Variants in TTC39B observed in about 807,000 individuals in gnomAD.
TTC39B encodes the protein tetratricopeptide repeat protein 39B.
TTC39B carries 92 observed loss-of-function variants against 96.6 expected under a neutral mutation model. The ratio of observed to expected loss-of-function variants is 0.95; its 90% CI spans 0.80 to 1.13. The LOEUF (loss-of-function observed/expected upper bound fraction) is 1.13, where lower values mean the gene tolerates loss of function less well. Among genes scored for constraint, TTC39B ranks in the 50% most tolerant of loss-of-function variants. TTC39B has a pLI of 0.00. For missense variants in TTC39B, 955 were observed against 809.3 expected (o/e 1.18, Z -2.18); for synonymous variants, 367 against 299.4 (o/e 1.23, Z -2.33).
intron 2 of TTC39B, among the ~76,000 whole-genome samples, chr9:15,234,901 G>T (rs10961928): frequency 6.6e-6 from 1 of 151,660 alleles, no homozygotes; most frequent in African/African-American, 2.4e-5. Context: ...GCGGAAGGCC[G>T]CAGGGTCCTC....
At chr9:15,203,619 T>G (rs982759062) in intron 7 of TTC39B, among the ~76,000 whole-genome samples, 3 of 152,158 alleles carry the variant, frequency 2.0e-5, no homozygotes, top group African/African-American at 7.2e-5. Context: ...GAGTGCAATT[T>G]GAAATAGATT....
rs186734499 is a variant in TTC39B, at chr9:15,199,691, C to T, written c.824+170G>A. Among the ~76,000 whole-genome samples, 198 of 130,186 alleles carry T rather than the reference C, an allele frequency of 1.5e-3. 1 individual carries two copies. Among genetic ancestry groups the T allele is most frequent in the African/African-American group, 5.3e-3 (180 of 33,844 alleles). 85.4% of individuals were successfully genotyped at this position (130,186 alleles called of 152,430 possible). A position where few individuals can be genotyped will look rare whatever the true frequency, so the allele number is the denominator to read the frequency against. On this transcript the variant is annotated intron_variant, in intron 8 of 19. Transcript: ENST00000512701. ...CGGAGCTTGCAGTGAGCCGAGATTG[C>T]GCCACTGCACTCCAACCTGGGTGAC...
intron 2 of TTC39B, among the ~76,000 whole-genome samples, chr9:15,244,491 C>A (rs1418650828): frequency 6.6e-6 from 1 of 152,224 alleles, no homozygotes; most frequent in Admixed American, 6.5e-5. Context: ...AGAGATACCA[C>A]GAGGAAAGAA....
In TTC39B at chr9:15,306,985, G is replaced by T; in HGVS notation, c.240+99C>A. 1 of 1,522,678 alleles carries T rather than the reference G, an allele frequency of 6.6e-7. No individual in the cohort carries two copies. 94.3% of individuals were successfully genotyped at this position (1,522,678 alleles called of 1,614,324 possible). A position where few individuals can be genotyped will look rare whatever the true frequency, so the allele number is the denominator to read the frequency against. On this transcript the variant is annotated intron_variant, in intron 1 of 19. Coordinates refer to ENST00000512701, the Ensembl canonical transcript of TTC39B. The surrounding 1 kb of genome is among the most constrained non-coding windows in gnomAD (Gnocchi z 5.1). ...AGCCCACCCCAGAGAGGGGACCAAG[G>T]GGGCGGGGCCTCGGCCGTCCTAGCC...
At chr9:15,198,486 A>ATC (rs1554768105) in intron 8 of TTC39B, among the ~76,000 whole-genome samples, 1 of 142,868 alleles carries the variant, frequency 7.0e-6, no homozygotes, top group Non-Finnish European at 1.5e-5. Context: ...ATATATATAT[A>ATC]TCATAAAGGG....
At chr9:15,184,385 C>T (rs1356490274) in intron 16 of TTC39B, among the ~76,000 whole-genome samples, 1 of 147,958 alleles carries the variant, frequency 6.8e-6, no homozygotes, top group Non-Finnish European at 1.5e-5. Context: ...ATCTAAATAA[C>T]TGTCAAAGAG....
chr9:15,207,755 G>A (rs532059808), intron 6 of TTC39B, among the ~76,000 whole-genome samples: 15 of 151,986 alleles, frequency 9.9e-5, no homozygotes, highest in Admixed American at 9.8e-4. Context: ...GGAGGCTGAG[G>A]CGGGCGGATC....
intron 2 of TTC39B, among the ~76,000 whole-genome samples, chr9:15,251,097 G>C (rs1301581620): frequency 6.6e-6 from 1 of 152,146 alleles, no homozygotes; most frequent in Non-Finnish European, 1.5e-5. Context: ...TCGGGAGGCT[G>C]AGGCAGAAGA....
At chr9:15,186,800 A>G in intron 15 of TTC39B, 144 bp downstream of exon 15, 4 of 711,598 alleles carry the variant, frequency 5.6e-6, no homozygotes, top group South Asian at 1.8e-5. Context: ...GGCTTAAGCA[A>G]TCCTCCCACC....
At chr9:15,189,243 A>T (rs1425925240) in intron 13 of TTC39B, among the ~76,000 whole-genome samples, 1 of 152,204 alleles carries the variant, frequency 6.6e-6, no homozygotes, top group Admixed American at 6.5e-5. Flanking sequence ...CAGGGGCTAG[A>T]TTCCAAAGTC....
chr9:15,163,756 T>C (rs777460693), exon 20 of TTC39B: 6 of 152,254 alleles, frequency 3.9e-5, no homozygotes, highest in Non-Finnish European at 7.3e-5. Flanking sequence ...TATTCTGTGA[T>C]ACTACGGAAT....
chr9:15,181,120 A>G (rs544178481), intron 17 of TTC39B, among the ~76,000 whole-genome samples: 29 of 152,208 alleles, frequency 1.9e-4, no homozygotes, highest in South Asian at 8.3e-4. Context: ...CCCCCAACCA[A>G]TGGGGGGCTG....
intron 8 of TTC39B, among the ~76,000 whole-genome samples, chr9:15,196,599 C>T (rs1240129829): frequency 5.3e-5 from 8 of 152,182 alleles, no homozygotes; most frequent in Admixed American, 3.3e-4. Flanking sequence ...CTCATGATGA[C>T]ACTTTAATGG....
At chr9:15,193,763 C>T (rs1564330866) in intron 8 of TTC39B, among the ~76,000 whole-genome samples, 1 of 152,124 alleles carries the variant, frequency 6.6e-6, no homozygotes, top group Non-Finnish European at 1.5e-5. Flanking sequence ...GATATCATTT[C>T]TAAGGTATTT....
chr9:15,284,598 G>A (rs972952019), intron 1 of TTC39B, among the ~76,000 whole-genome samples: 1 of 152,110 alleles, frequency 6.6e-6, no homozygotes, highest in Non-Finnish European at 1.5e-5. Context: ...GTAATCCTGG[G>A]AAAGGTGTAG....
chr9:15,199,897 C>A, exon 8 of TTC39B: 1 of 1,543,350 alleles, frequency 6.5e-7, no homozygotes, highest in Non-Finnish European at 8.8e-7. Flanking sequence ...TTTGAGTCCA[C>A]CTTTGATGAA....
chr9:15,208,859 G>A (rs868233257), intron 6 of TTC39B, among the ~76,000 whole-genome samples: 2 of 152,044 alleles, frequency 1.3e-5, no homozygotes, highest in South Asian at 4.1e-4. Context: ...GTTCTCCAAC[G>A]TCCATAACAA....
At chr9:15,218,558 T>C (rs558051226) in intron 3 of TTC39B, among the ~76,000 whole-genome samples, 1 of 151,750 alleles carries the variant, frequency 6.6e-6, no homozygotes, top group African/African-American at 2.4e-5. Flanking sequence ...ATATCTTCAG[T>C]GAGGTGACGA....
In TTC39B at chr9:15,176,387, C is replaced by G. The variant is rs539548412; in HGVS notation, c.1842-1252G>C. ...AATAGATATTTCTTTAACATGTTTA[C>G]TAATTACAGAATATTACTAAAGACA... is the stretch of plus-strand genomic sequence containing the variant. On this transcript the variant is annotated intron_variant, in intron 18 of 19. Coordinates refer to ENST00000512701, the Ensembl canonical transcript of TTC39B. Among the ~76,000 whole-genome samples the G allele has an allele frequency of 7.2e-5, 11 of 152,284 alleles. 1 individual carries two copies. The East Asian group carries it at 1.9e-3, about 27-fold the overall frequency.
Sources: gnomAD v4.1 joint callset for allele counts (sites outside exome capture counted in the v4.1 genomes callset) on GRCh38, gnomAD v4.1.1 for gene constraint, Gnocchi (gnomAD v3.1) non-coding constraint, MANE v1.5 for transcripts, NCBI Gene and HGNC (gene_info 2026-07-23, HGNC 2026-07-21) for gene names.